SAMD12: variants seen among roughly 807,000 people sequenced by gnomAD.
SAMD12 encodes sterile alpha motif domain containing 12.
Under a neutral mutation model 15.0 loss-of-function variants are expected in SAMD12, and 9 were observed. The observed-to-expected ratio is 0.60, with a 90% CI of 0.36 to 1.05. The LOEUF is 1.05. Among genes scored for constraint, SAMD12 ranks in the 50% least tolerant of loss-of-function variants. The pLI, the probability that SAMD12 is intolerant of heterozygous loss-of-function variation, is 0.01. For synonymous variants in SAMD12, 86 were observed against 90.1 expected, an observed-to-expected ratio of 0.96 and a Z score of 0.25; for missense variants, 230 against 234.2, an observed-to-expected ratio of 0.98 and a Z score of 0.12.
chr8:118,184,814 G>A (rs1819215821), downstream of SAMD12, among the ~76,000 whole-genome samples: 1 of 151,952 alleles, frequency 6.6e-6, no homozygotes, highest in South Asian at 2.1e-4. Context: ...TTAAAATATA[G>A]TTCTGAATTC....
Position 118,378,889 on chromosome 8 carries a change from A to G in SAMD12, c.*528T>C. ...TAAGTGCTCTCATCATATTGAAGTTATTTATAATTCCTGTTAAGAATTATA... is the reference window on the plus strand; with the variant it reads ...TAAGTGCTCTCATCATATTGAAGTTGTTTATAATTCCTGTTAAGAATTATA... On this transcript the variant is annotated 3_prime_UTR_variant, in exon 4 of 4. Coordinates refer to ENST00000314727, the MANE Select transcript of SAMD12 (RefSeq NM_207506.3). 1 of 962,906 alleles carries G rather than the reference A, an allele frequency of 1.0e-6. No individual in the cohort carries two copies. The highest frequency in any genetic ancestry group is 1.2e-6 in the Non-Finnish European group (1 of 809,318). 59.6% of individuals were successfully genotyped at this position (962,906 alleles called of 1,614,324 possible).
Position 118,341,379 on chromosome 8 carries a change from G to C in SAMD12, c.433+38181C>G, listed in dbSNP as rs190383111. ...AGCATACCTAGACCCCACCTCTCAA[G>C]TAAAGAAATGTTAAATAATTTACAA... On this transcript the variant is annotated intron_variant, in intron 4 of 4. Coordinates refer to the SAMD12 transcript ENST00000409003. Among the ~76,000 whole-genome samples the C allele has an allele frequency of 7.2e-5, 11 of 152,282 alleles. No individual in the cohort carries two copies. In the East Asian group the frequency reaches 2.1e-3, roughly 29 times the overall value.
intron 4 of SAMD12, among the ~76,000 whole-genome samples, chr8:118,371,032 T>A (rs1415435217): frequency 3.3e-5 from 5 of 152,206 alleles, no homozygotes; most frequent in Non-Finnish European, 7.3e-5. Context: ...GAAGAGTTAA[T>A]ATTTCATCAA....
Position 118,411,593 on chromosome 8 carries a change from G to A in SAMD12, c.322+28239C>T, listed in dbSNP as rs1053371092. 6.0e-5 allele frequency among the ~76,000 whole-genome samples: 9 copies of A among 148,840 alleles called. 1 individual carries two copies. The highest frequency in any genetic ancestry group is 1.8e-4 in the African/African-American group (7 of 39,858). On this transcript the variant is annotated intron_variant, in intron 3 of 3. Coordinates refer to ENST00000314727, the MANE Select transcript of SAMD12 (RefSeq NM_207506.3). ...GGCATTGTCCCAAAGCAGTCTCACA[G>A]GGGACCCACAATAGTTAAAGGAGTT...
chr8:118,333,101 G>T (rs1816879883), intron 4 of SAMD12, among the ~76,000 whole-genome samples: 1 of 152,130 alleles, frequency 6.6e-6, no homozygotes, highest in Non-Finnish European at 1.5e-5. Context: ...CGCAGGGAAG[G>T]CTTTTCTGAG....
chr8:118,477,370 C>T (rs1016640893), intron 2 of SAMD12, among the ~76,000 whole-genome samples: 4 of 152,082 alleles, frequency 2.6e-5, no homozygotes, highest in East Asian at 1.9e-4. Context: ...TCGACCTCTG[C>T]GGCCGGTTTG....
the SAMD12 span, among the ~76,000 whole-genome samples, chr8:118,148,833 T>G: frequency 1.3e-5 from 2 of 152,246 alleles, no homozygotes; most frequent in African/African-American, 4.8e-5. Context: ...GTTTTTGAGC[T>G]TTACCCATGT....
chr8:118,341,165 GC>G (rs1389313892), intron 4 of SAMD12, among the ~76,000 whole-genome samples: 2 of 152,164 alleles, frequency 1.3e-5, no homozygotes, highest in East Asian at 3.9e-4. Context: ...TTCCTCTAGG[GC>G]CTCTTCATGT....
intron 4 of SAMD12, among the ~76,000 whole-genome samples, chr8:118,305,000 T>C (rs1365541491): frequency 6.7e-6 from 1 of 148,550 alleles, no homozygotes; most frequent in Non-Finnish European, 1.5e-5. Flanking sequence ...AATACAAAAA[T>C]TAGACAGGTG....
chr8:118,584,922 TAC>T (rs141290440), intron 1 of SAMD12, among the ~76,000 whole-genome samples: 11,025 of 146,874 alleles, frequency 0.075, 619 homozygotes, highest in African/African-American at 0.15. Context: ...CTTGTAGGTA[TAC>T]ACACACACAC....
chr8:118,134,808 C>T, the SAMD12 span, among the ~76,000 whole-genome samples: 3 of 152,282 alleles, frequency 2.0e-5, no homozygotes, highest in Non-Finnish European at 4.4e-5. Flanking sequence ...AGTGCATACT[C>T]GCCTTCATAC....
chr8:118,321,140 AATAAATATATATATATATAT>A, intron 4 of SAMD12, among the ~76,000 whole-genome samples: 1 of 78,754 alleles, frequency 1.3e-5, no homozygotes, highest in East Asian at 6.1e-4. Context: ...TATCATAGAT[AATAAATATATATATATATAT>A]ATATATATAT....
chr8:118,165,632 A>ACGTATATATG, the SAMD12 span, among the ~76,000 whole-genome samples: 8 of 143,074 alleles, frequency 5.6e-5, no homozygotes, highest in African/African-American at 2.2e-4. Flanking sequence ...ATATATATAT[A>ACGTATATATG]TATACATATA....
intron 4 of SAMD12, among the ~76,000 whole-genome samples, chr8:118,264,539 T>C (rs563377229): frequency 6.6e-6 from 1 of 152,126 alleles, no homozygotes; most frequent in African/African-American, 2.4e-5. Context: ...GAGGGAAAAG[T>C]AATATTGCTG....
intron 4 of SAMD12, among the ~76,000 whole-genome samples, chr8:118,280,924 A>G (rs1046506633): frequency 6.6e-6 from 1 of 152,174 alleles, no homozygotes; most frequent in Non-Finnish European, 1.5e-5. Context: ...TGCGTCCTCA[A>G]GCGGAAATGG....
intron 4 of SAMD12, among the ~76,000 whole-genome samples, chr8:118,212,727 G>GT (rs112010411): frequency 5.3e-4 from 81 of 152,288 alleles, no homozygotes; most frequent in African/African-American, 1.9e-3. Flanking sequence ...TTCTGAAGAT[G>GT]TTTTTCAACA....
chr8:118,420,652 A>G (rs1821954088), intron 3 of SAMD12, among the ~76,000 whole-genome samples: 1 of 152,190 alleles, frequency 6.6e-6, no homozygotes, highest in Non-Finnish European at 1.5e-5. Flanking sequence ...TTTACATAAG[A>G]GATTATTTCC....
chr8:118,615,031 C>G (rs565715482), intron 1 of SAMD12, among the ~76,000 whole-genome samples: 1 of 152,248 alleles, frequency 6.6e-6, no homozygotes, highest in African/African-American at 2.4e-5. Context: ...GCAGGTTTGG[C>G]CAGGCAGATA....
intron 2 of SAMD12, among the ~76,000 whole-genome samples, chr8:118,545,202 C>A (rs1826090119): frequency 6.6e-6 from 1 of 152,202 alleles, no homozygotes; most frequent in Non-Finnish European, 1.5e-5. Context: ...CACAGTGGCT[C>A]ACACCTGTAA....
Sources: gnomAD v4.1 joint callset for allele counts (sites outside exome capture counted in the v4.1 genomes callset) on GRCh38, gnomAD v4.1.1 for gene constraint, MANE v1.5 for transcripts, NCBI Gene and HGNC (gene_info 2026-07-23, HGNC 2026-07-21) for gene names.